Variants in CALCOCO1 observed in about 807,000 individuals in gnomAD.
CALCOCO1 encodes calcium-binding and coiled-coil domain-containing protein 1.
Under a neutral mutation model 86.3 loss-of-function variants are expected in CALCOCO1, and 44 were observed. The observed-to-expected ratio is 0.51, with a 90% CI of 0.40 to 0.66. CALCOCO1 has a LOEUF of 0.66. CALCOCO1 is among the 30% of genes least tolerant of loss of function. The pLI is 0.00. For synonymous variants in CALCOCO1, 297 were observed against 327.6 expected (o/e 0.91, Z 1.01); for missense variants, 708 against 851.1 (o/e 0.83, Z 2.09).
Position 53,723,668 on chromosome 12 carries a change from A to G in CALCOCO1, c.375T>C (p.Asp125=). 6.2e-7 allele frequency: 1 copy of G among 1,614,180 alleles called. No homozygotes were observed. Among genetic ancestry groups the G allele is most frequent in the Non-Finnish European group, 8.5e-7 (1 of 1,180,026 alleles). Residue 125 remains aspartate (D), a synonymous_variant, in exon 4 of 15, where the codon GAT becomes GAC. Transcript: ENST00000550804. Reference sequence around the variant, plus strand: ...CAGCCTCCTCCAGGGTCACCAGTTCATCCATGGGCCTTGGCTCTCGGAACT... The same window carrying G: ...CAGCCTCCTCCAGGGTCACCAGTTCGTCCATGGGCCTTGGCTCTCGGAACT... ...PFQFREPRPM[D]ELVTLEEADG...
At chr12:53,720,291 A>G (rs975989701) in intron 6 of CALCOCO1, among the ~76,000 whole-genome samples, 16 of 152,348 alleles carry the variant, frequency 1.1e-4, no homozygotes, top group African/African-American at 3.8e-4. Context: ...AGGACCATCC[A>G]TTGACAGTAT....
At position 53,727,099 on chromosome 12, in the gene CALCOCO1, G is replaced by A. The variant is rs549639275; in HGVS notation, c.-25+305C>T. 5.8e-4 allele frequency among the ~76,000 whole-genome samples: 89 copies of A among 152,196 alleles called. 3 individuals carry two copies. Among genetic ancestry groups the A allele is most frequent in the Non-Finnish European group, 2.5e-4 (17 of 67,982 alleles). Reference sequence around the variant, plus strand: ...TAGGGGAGAGAGGGAAGACGTGTAGGGGACACGTCTTGCCTGGGAGCGAAT... The same window carrying A: ...TAGGGGAGAGAGGGAAGACGTGTAGAGGACACGTCTTGCCTGGGAGCGAAT... On this transcript the variant is annotated intron_variant, in intron 1 of 14. Coordinates refer to ENST00000550804, the MANE Select transcript of CALCOCO1 (RefSeq NM_020898.3).
chr12:53,718,987 A>C (rs1945800966), intron 7 of CALCOCO1, among the ~76,000 whole-genome samples: 2 of 150,746 alleles, frequency 1.3e-5, no homozygotes, highest in Admixed American at 1.3e-4. Context: ...AGCTGGGATT[A>C]CAGGCACCTG....
At chr12:53,716,166 A>G (rs1945720274) in intron 8 of CALCOCO1, 94 bp downstream of exon 8, 1 of 1,583,252 alleles carries the variant, frequency 6.3e-7, no homozygotes, top group Non-Finnish European at 8.6e-7. Context: ...TTTAGTCTTT[A>G]GCCATGTCTC....
chr12:53,722,871 G>A, intron 4 of CALCOCO1: 1 of 427,762 alleles, frequency 2.3e-6, no homozygotes, highest in Admixed American at 2.9e-5. Flanking sequence ...CCGCAACAGA[G>A]AGTAGGAGCT....
intron 14 of CALCOCO1, chr12:53,712,475 C>G (rs562487758): frequency 1.8e-4 from 46 of 255,638 alleles, no homozygotes; most frequent in African/African-American, 1.0e-3. Context: ...GCATCACCCC[C>G]TCCCTGCCCT....
chr12:53,726,875 C>T (rs772291966), intron 1 of CALCOCO1, among the ~76,000 whole-genome samples: 1 of 152,108 alleles, frequency 6.6e-6, no homozygotes, highest in Non-Finnish European at 1.5e-5. Context: ...CAGCTGTAAA[C>T]GTTCTTCATG....
intron 3 of CALCOCO1, 135 bp from the exon 4 acceptor site, chr12:53,723,918 T>C: frequency 1.4e-6 from 1 of 718,190 alleles, no homozygotes; most frequent in Non-Finnish European, 2.3e-6. Flanking sequence ...CCTTTCTGCC[T>C]GTCCCTCTCC....
At position 53,724,515 on chromosome 12, in the gene CALCOCO1, C is replaced by G. The variant is rs769633282; in HGVS notation, c.259+130G>C. ...CGCTGAGCGCTGTTGGATATATTCTCATTATATTTATTTTCGTTTATTTTT... is the reference window on the plus strand; with the variant it reads ...CGCTGAGCGCTGTTGGATATATTCTGATTATATTTATTTTCGTTTATTTTT... On this transcript the variant is annotated intron_variant, in intron 3 of 14. Transcript: ENST00000550804. 13 of 719,424 alleles carry G rather than the reference C, an allele frequency of 1.8e-5. No homozygotes were observed. In the South Asian group the frequency reaches 1.8e-4, roughly 10 times the overall value. The allele number at this position is 719,424 out of a possible 1,614,324, so 44.6% of individuals were successfully genotyped here. A position where few individuals can be genotyped will look rare whatever the true frequency, so the allele number is the denominator to read the frequency against.
At chr12:53,720,695 C>CCTA (rs2120618658) in intron 6 of CALCOCO1, among the ~76,000 whole-genome samples, 1 of 152,288 alleles carries the variant, frequency 6.6e-6, no homozygotes, top group South Asian at 2.1e-4. Context: ...AAATATCACA[C>CCTA]CTACCAGTAG....
At chr12:53,715,661 C>T in intron 9 of CALCOCO1, 132 bp downstream of exon 9, 1 of 1,242,976 alleles carries the variant, frequency 8.0e-7, no homozygotes, top group East Asian at 2.4e-5. Flanking sequence ...CCCTCAAAGC[C>T]CCTCTCCACC....
chr12:53,714,118 TG>T lies in CALCOCO1; in HGVS notation c.1591+14del, dbSNP rs1209939059. 4 of 1,591,076 alleles carry T rather than the reference TG, an allele frequency of 2.5e-6. No homozygotes were observed. The South Asian group carries it at 4.4e-5, about 18-fold the overall frequency. ...GAGTGGGGAAGAGGTGTTACAAGAT[TG>T]GGGCTACACGGACTCAGCCCCACAG... is the stretch of plus-strand genomic sequence containing the variant. On this transcript the variant is annotated intron_variant, in intron 12 of 14. Coordinates refer to ENST00000550804, the MANE Select transcript of CALCOCO1 (RefSeq NM_020898.3).
At position 53,713,108 on chromosome 12, in the gene CALCOCO1, G is replaced by A; in HGVS notation, c.1890C>T (p.Asp630=). The change falls in exon 14 of 15, where the codon GAC becomes GAT. Residue 630 remains aspartate (D), a synonymous_variant. Coordinates refer to ENST00000550804, the MANE Select transcript of CALCOCO1 (RefSeq NM_020898.3). Reference sequence around the variant, plus strand: ...TTGCTGGTTGAACTCACCTGGCCATGTCATAGAAGGCACTGCCCAGTTCAG... The same window carrying A: ...TTGCTGGTTGAACTCACCTGGCCATATCATAGAAGGCACTGCCCAGTTCAG... The part of the protein sequence containing the change: ...LLPELGSAFY[D]MASGFTVGTL... 6.2e-7 allele frequency: 1 copy of A among 1,613,842 alleles called. No homozygotes were observed. Among genetic ancestry groups the A allele is most frequent in the Non-Finnish European group, 8.5e-7 (1 of 1,179,748 alleles).
rs1156655346 is a variant in CALCOCO1 at position 53,712,057 on chromosome 12, C to G, written c.1963G>C (p.Glu655Gln). Reference protein sequence around the residue: ...TGGPATPTWKECPICKERFPA... With the variant: ...TGGPATPTWKQCPICKERFPA... ...AAGCGCTCCTTACAGATAGGACACT[C>G]CTTCCATGTGGGGGTGGCAGGGCCC... is the stretch of plus-strand genomic sequence containing the variant. Residue 655 changes from glutamate (E) to glutamine (Q), a missense_variant, in exon 15 of 15, where the codon GAG (glutamate) becomes CAG (glutamine). Transcript: ENST00000550804. 1.2e-6 allele frequency: 2 copies of G among 1,612,414 alleles called. No homozygotes were observed. The highest frequency in any genetic ancestry group is 1.7e-6 in the Non-Finnish European group (2 of 1,179,264).
intron 6 of CALCOCO1, among the ~76,000 whole-genome samples, chr12:53,721,236 A>AT (rs369131912): frequency 2.0e-5 from 3 of 152,228 alleles, no homozygotes; most frequent in African/African-American, 7.2e-5. Context: ...TTGCTGTACA[A>AT]TAAGTGGTAA....
Position 53,712,035 on chromosome 12 carries a change from C to A in CALCOCO1, c.1985G>T (p.Arg662Leu). The A allele has an allele frequency of 6.2e-7, 1 of 1,611,730 alleles. No individual in the cohort carries two copies. The change falls in exon 15 of 15, where the codon CGC (arginine) becomes CTC (leucine). Residue 662 changes from arginine to leucine, a missense_variant. Transcript: ENST00000550804. ...TWKECPICKE[R>L]FPAESDKDAL... Reference sequence around the variant, plus strand: ...ATCCTTGTCACTCTCAGCAGGAAAGCGCTCCTTACAGATAGGACACTCCTT... The same window carrying A: ...ATCCTTGTCACTCTCAGCAGGAAAGAGCTCCTTACAGATAGGACACTCCTT...
Position 53,713,854 on chromosome 12 carries a change from G to A in CALCOCO1, c.1638C>T (p.Asp546=). 1 of 1,533,410 alleles carries A rather than the reference G, an allele frequency of 6.5e-7. No homozygotes were observed. The highest frequency in any genetic ancestry group is 8.8e-7 in the Non-Finnish European group (1 of 1,141,710). 95.0% of individuals were successfully genotyped at this position (1,533,410 alleles called of 1,614,324 possible). A position where few individuals can be genotyped will look rare whatever the true frequency, so the allele number is the denominator to read the frequency against. ...AAAGGCCATAGGGTGGGAGCCTCAT[G>A]TCTTCTGGGGACTCGTCCTCTGAGT... ...LTDSEDESPE[D]MRLPPYGLCE... is the part of the protein sequence containing the mutation. Residue 546 remains aspartate (D), a synonymous_variant, in exon 13 of 15, where the codon GAC becomes GAT. Transcript: ENST00000550804.
rs764600953 is a variant in CALCOCO1, at chr12:53,710,992, C to T, written c.*952G>A. 73 of 343,952 alleles carry T rather than the reference C, an allele frequency of 2.1e-4. No homozygotes were observed. The highest frequency in any genetic ancestry group is 3.2e-4 in the Non-Finnish European group (61 of 192,306). 21.3% of individuals were successfully genotyped at this position (343,952 alleles called of 1,614,324 possible). On this transcript the variant is annotated 3_prime_UTR_variant, in exon 15 of 15. Coordinates refer to ENST00000550804, the MANE Select transcript of CALCOCO1 (RefSeq NM_020898.3). Reference sequence around the variant, plus strand: ...ACAGGACAGTAACTGCCCAGCATCCCCTGCCATGAGGCAGGGATGCGTCCC... The same window carrying T: ...ACAGGACAGTAACTGCCCAGCATCCTCTGCCATGAGGCAGGGATGCGTCCC...
intron 9 of CALCOCO1, 125 bp downstream of exon 9, chr12:53,715,668 C>T (rs1593080598): frequency 2.3e-6 from 3 of 1,319,528 alleles, no homozygotes; most frequent in Non-Finnish European, 3.1e-6. Context: ...AGCCCCTCTC[C>T]ACCCAAGTCC....
Sources: allele counts gnomAD v4.1 joint callset (sites outside exome capture counted in the v4.1 genomes callset), GRCh38; gene constraint gnomAD v4.1.1; transcripts MANE v1.5; gene names NCBI Gene and HGNC (gene_info 2026-07-23, HGNC 2026-07-21).